Variants in EOGT observed in about 807,000 individuals in gnomAD.
The protein encoded by EOGT is EGF domain specific O-linked N-acetylglucosamine transferase.
In EOGT, 55 loss-of-function variants were observed where a neutral mutation model predicts 70.5. The ratio of observed to expected loss-of-function variants is 0.78; its 90% CI spans 0.63 to 0.98. EOGT has a LOEUF of 0.98. Ranked by LOEUF, EOGT falls within the 50% of genes least tolerant of loss-of-function variation. The pLI is 0.00. For synonymous variants in EOGT, 246 were observed against 217.1 expected (o/e 1.13, Z -1.17); for missense variants, 703 against 641.9 (o/e 1.10, Z -1.03).
chr3:68,976,177 T>TA lies in EOGT; in HGVS notation c.*1440dup, dbSNP rs1475777979. The TA allele has an allele frequency of 6.6e-6, 1 of 152,232 alleles. No homozygotes were observed. Among genetic ancestry groups the TA allele is most frequent in the African/African-American group, 2.4e-5 (1 of 41,472 alleles). 9.4% of individuals were successfully genotyped at this position (152,232 alleles called of 1,614,324 possible). A position where few individuals can be genotyped will look rare whatever the true frequency, so the allele number is the denominator to read the frequency against. On this transcript the variant is annotated 3_prime_UTR_variant, in exon 18 of 18. Coordinates refer to ENST00000383701, the MANE Select transcript of EOGT (RefSeq NM_001278689.2). ...GAGCTTCTTTTTCACTTTCATTGAA[T>TA]AAGTCACATGTCTTTAGTTTGTTTT...
chr3:69,009,699 A>G lies in EOGT; in HGVS notation c.148T>C (p.Phe50Leu), dbSNP rs1003122899. The G allele has an allele frequency of 2.5e-6, 4 of 1,614,104 alleles. No individual in the cohort carries two copies. Among genetic ancestry groups the G allele is most frequent in the East Asian group, 2.2e-5 (1 of 44,852 alleles). Residue 50 changes from phenylalanine to leucine, a missense_variant, in exon 4 of 18, where the codon TTT becomes CTT. Transcript: ENST00000383701. ...GCAATATGCCTATTGTTGTGCAAAA[A>G]GAAGGGAATGTGCTCCTCTGGCAAG... ...IRLPEEHIPF[F>L]LHNNRHIATV...
intron 15 of EOGT, among the ~76,000 whole-genome samples, chr3:68,982,150 C>T (rs1275866401): frequency 6.6e-6 from 1 of 152,130 alleles, no homozygotes; most frequent in Non-Finnish European, 1.5e-5. Context: ...CCCAGGCAAT[C>T]CACCCATCTC....
chr3:68,998,212 T>C, intron 9 of EOGT, 98 bp from the exon 10 acceptor site: 1 of 697,278 alleles, frequency 1.4e-6, no homozygotes, highest in Non-Finnish European at 2.5e-6. Flanking sequence ...AAGAGAATTT[T>C]AGTTTAAATA....
Position 69,010,597 on chromosome 3 carries a change from T to A in EOGT, c.-14-737A>T, listed in dbSNP as rs867060578. On this transcript the variant is annotated intron_variant, in intron 3 of 17. Coordinates refer to ENST00000383701, the MANE Select transcript of EOGT (RefSeq NM_001278689.2). ...ATAATAAACCTTCATCATAGAGCTG[T>A]CATGAGTTAAATGAGTTAGTTATTG... is the stretch of plus-strand genomic sequence containing the variant. 7.2e-5 allele frequency among the ~76,000 whole-genome samples: 11 copies of A among 152,348 alleles called. No individual in the cohort carries two copies. In the South Asian group the frequency reaches 2.3e-3, roughly 32 times the overall value.
intron 15 of EOGT, among the ~76,000 whole-genome samples, chr3:68,980,189 AAG>A (rs1448723727): frequency 6.6e-6 from 1 of 152,238 alleles, no homozygotes; most frequent in Non-Finnish European, 1.5e-5. Context: ...CTTCATGAAA[AAG>A]AGAAATTGGC....
chr3:68,985,313 C>G (rs537804667), intron 14 of EOGT, among the ~76,000 whole-genome samples: 1 of 152,316 alleles, frequency 6.6e-6, no homozygotes, highest in South Asian at 2.1e-4. Flanking sequence ...ACAATTAACA[C>G]CTCATTATGC....
Position 68,988,050 on chromosome 3 carries a change from G to A in EOGT, c.1083+245C>T, listed in dbSNP as rs140482691. 2.6e-3 allele frequency among the ~76,000 whole-genome samples: 391 copies of A among 152,314 alleles called. 8 individuals carry two copies. The highest frequency in any genetic ancestry group is 0.021 in the East Asian group (109 of 5,178). ...ATGCCCCAGCCTCCTGAGTAGCTGG[G>A]ACTACAGGCACATGCCACCTCGTCC... is the stretch of plus-strand genomic sequence containing the variant. On this transcript the variant is annotated intron_variant, in intron 13 of 17. Coordinates refer to ENST00000383701, the MANE Select transcript of EOGT (RefSeq NM_001278689.2).
At chr3:68,989,368 C>T (rs1226757988) in intron 10 of EOGT, among the ~76,000 whole-genome samples, 1 of 152,132 alleles carries the variant, frequency 6.6e-6, no homozygotes, top group African/African-American at 2.4e-5. Flanking sequence ...ACCGTTTACA[C>T]ACACTCTTAT....
At chr3:69,006,484 G>C (rs753228704) in intron 6 of EOGT, among the ~76,000 whole-genome samples, 6 of 152,202 alleles carry the variant, frequency 3.9e-5, no homozygotes, top group Non-Finnish European at 7.3e-5. Context: ...TCAGGGTTCA[G>C]GATCATTGAA....
intron 9 of EOGT, 131 bp from the exon 10 acceptor site, chr3:68,998,245 T>A (rs2091205736): frequency 1.6e-6 from 1 of 611,212 alleles, no homozygotes; most frequent in Non-Finnish European, 2.8e-6. Flanking sequence ...AATAACTGTT[T>A]TGTTTTTCCA....
intron 10 of EOGT, among the ~76,000 whole-genome samples, chr3:68,990,398 G>A (rs1360584208): frequency 1.4e-5 from 2 of 143,146 alleles, no homozygotes; most frequent in Non-Finnish European, 3.0e-5. Context: ...TGTTGCCCAG[G>A]CTAGAGTGCC....
At chr3:69,008,651 T>C in intron 4 of EOGT, 123 bp from the exon 5 acceptor site, 1 of 669,818 alleles carries the variant, frequency 1.5e-6, no homozygotes, top group Non-Finnish European at 2.6e-6. Flanking sequence ...TACGTATTCT[T>C]ATAACAATAA....
In EOGT at chr3:69,009,741, T is replaced by C; in HGVS notation, c.106A>G (p.Asn36Asp). 6.2e-7 allele frequency: 1 copy of C among 1,614,134 alleles called. No individual in the cohort carries two copies. The change falls in exon 4 of 18, where the codon AAC (asparagine) becomes GAC (aspartate). Residue 36 changes from asparagine (N) to aspartate (D), a missense_variant. By Grantham distance (23) the Asn-to-Asp change is conservative. Coordinates refer to ENST00000383701, the MANE Select transcript of EOGT (RefSeq NM_001278689.2). Reference sequence around the variant, plus strand: ...TCTGGCAAGCGGATGCTGGCATAGTTATACAGAGGTTCGCCTGGAATGCTG... The same window carrying C: ...TCTGGCAAGCGGATGCTGGCATAGTCATACAGAGGTTCGCCTGGAATGCTG... The part of the protein sequence containing the change: ...THSIPGEPLY[N>D]YASIRLPEEH...
intron 5 of EOGT, among the ~76,000 whole-genome samples, chr3:69,008,089 T>C (rs79634981): frequency 1.3e-3 from 203 of 152,354 alleles, no homozygotes; most frequent in African/African-American, 4.4e-3. Flanking sequence ...TTAATTACTA[T>C]ATTTTCTTTA....
At chr3:69,006,713 T>C (rs1262866800) in intron 6 of EOGT, among the ~76,000 whole-genome samples, 1 of 152,184 alleles carries the variant, frequency 6.6e-6, no homozygotes, top group Non-Finnish European at 1.5e-5. Context: ...ATCTGAATTG[T>C]AGTTGAGAGC....
Position 69,005,132 on chromosome 3 carries a change from TA to T in EOGT, c.515+7del. 1 of 1,466,988 alleles carries T rather than the reference TA, an allele frequency of 6.8e-7. No homozygotes were observed. Among genetic ancestry groups the T allele is most frequent in the Non-Finnish European group, 9.5e-7 (1 of 1,055,476 alleles). The allele number at this position is 1,466,988 out of a possible 1,614,324, so 90.9% of individuals were successfully genotyped here. ...TATACTAGATGTTAACATTAACCAC[TA>T]AAGTACCTGTCATGATTTCTCTTGA... On this transcript the variant is annotated splice_region_variant and intron_variant, in intron 7 of 17. Coordinates refer to ENST00000383701, the MANE Select transcript of EOGT (RefSeq NM_001278689.2).
intron 14 of EOGT, among the ~76,000 whole-genome samples, 176 bp downstream of exon 14, chr3:68,987,269 T>C (rs1559592625): frequency 6.6e-6 from 1 of 152,204 alleles, no homozygotes; most frequent in East Asian, 1.9e-4. Flanking sequence ...CTATGGGTGG[T>C]TTGGTGAATC....
chr3:69,001,250 G>A (rs112745769), intron 9 of EOGT, among the ~76,000 whole-genome samples: 4,999 of 152,032 alleles, frequency 0.033, 280 homozygotes, highest in African/African-American at 0.11. Context: ...GAGCCACCGC[G>A]CCCGGCTTAG....
intron 8 of EOGT, among the ~76,000 whole-genome samples, chr3:69,003,814 TCAC>T (rs1186357494): frequency 2.0e-5 from 3 of 152,314 alleles, no homozygotes; most frequent in Non-Finnish European, 4.4e-5. Context: ...ATGGGTGGGT[TCAC>T]TTTTTCACAA....
Sources: gnomAD v4.1 joint callset for allele counts (sites outside exome capture counted in the v4.1 genomes callset) on GRCh38, gnomAD v4.1.1 for gene constraint, MANE v1.5 for transcripts, NCBI Gene and HGNC (gene_info 2026-07-23, HGNC 2026-07-21) for gene names.